The following ZFHX3 variants were observed in gnomAD, a reference collection of about 807,000 sequenced individuals.
ZFHX3 encodes zinc finger homeobox 3.
ZFHX3 carries 42 observed loss-of-function variants against 279.1 expected under a neutral mutation model. The observed-to-expected ratio is 0.15, with a 90% CI of 0.12 to 0.19. The LOEUF is 0.19. Ranked by LOEUF, ZFHX3 falls within the 10% of genes least tolerant of loss-of-function variation. ZFHX3 has a pLI of 1.00. For missense variants in ZFHX3, 4,981 were observed against 4,754.0 expected (o/e 1.05, Z -1.40); for synonymous variants, 2,293 against 1,957.8 (o/e 1.17, Z -4.52).
intron 3 of ZFHX3, among the ~76,000 whole-genome samples, chr16:73,407,894 C>A (rs2017392431): frequency 6.6e-6 from 1 of 152,138 alleles, no homozygotes; most frequent in South Asian, 2.1e-4. Context: ...TGGCAAAATG[C>A]TGGCTTTTAT....
chr16:73,685,421 G>C (rs995062786), intron 1 of ZFHX3, among the ~76,000 whole-genome samples: 9 of 152,224 alleles, frequency 5.9e-5, no homozygotes, highest in African/African-American at 2.2e-4. Flanking sequence ...GACTGAAGCA[G>C]GCCATGAGCC....
chr16:73,693,935 A>G (rs1317413597), intron 1 of ZFHX3, among the ~76,000 whole-genome samples: 3 of 152,190 alleles, frequency 2.0e-5, no homozygotes, highest in African/African-American at 7.2e-5. Flanking sequence ...CTCTGCTCTC[A>G]AGCCTGTCAG....
chr16:73,209,503 G>A (rs1455483668), intron 5 of ZFHX3, among the ~76,000 whole-genome samples: 1 of 152,132 alleles, frequency 6.6e-6, no homozygotes, highest in African/African-American at 2.4e-5. Context: ...TCACATGGTA[G>A]AAGAGCAAAA....
intron 2 of ZFHX3, among the ~76,000 whole-genome samples, chr16:73,615,639 T>C (rs1425954704): frequency 6.6e-6 from 1 of 152,200 alleles, no homozygotes; most frequent in Non-Finnish European, 1.5e-5. Context: ...AACACAGTGT[T>C]AAAATTCTAA....
At chr16:73,000,533 G>A (rs1430646547) in intron 1 of ZFHX3, among the ~76,000 whole-genome samples, 1 of 152,116 alleles carries the variant, frequency 6.6e-6, no homozygotes, top group South Asian at 2.1e-4. Flanking sequence ...CCTTGACTTC[G>A]TAAGTGGTGG....
intron 2 of ZFHX3, among the ~76,000 whole-genome samples, chr16:73,602,012 G>C (rs2052123662): frequency 6.6e-6 from 1 of 152,074 alleles, no homozygotes; most frequent in South Asian, 2.1e-4. Context: ...TATGCCTGTA[G>C]TCCCAACTAC....
At chr16:73,608,267 G>A (rs938031818) in intron 2 of ZFHX3, among the ~76,000 whole-genome samples, 8 of 152,274 alleles carry the variant, frequency 5.3e-5, no homozygotes, top group African/African-American at 1.9e-4. Context: ...CTTTCTTGAA[G>A]CTGGTCCCAT....
chr16:73,520,446 A>G (rs920441062), intron 2 of ZFHX3, among the ~76,000 whole-genome samples: 14 of 152,224 alleles, frequency 9.2e-5, no homozygotes, highest in Non-Finnish European at 1.5e-4. Context: ...CAGATGAGGA[A>G]TTTTTAGAAA....
At chr16:73,694,903 T>A (rs1267357569) in intron 1 of ZFHX3, among the ~76,000 whole-genome samples, 1 of 152,204 alleles carries the variant, frequency 6.6e-6, no homozygotes, top group Admixed American at 6.5e-5. Context: ...TTAAACCATT[T>A]ACCGACCAAT....
At chr16:73,597,010 A>AC (rs1430057160) in intron 2 of ZFHX3, among the ~76,000 whole-genome samples, 3 of 152,228 alleles carry the variant, frequency 2.0e-5, no homozygotes, top group African/African-American at 4.8e-5. Context: ...GATGGTGTCC[A>AC]CAGTCTGTTC....
intron 5 of ZFHX3, chr16:73,231,936 G>A (rs1200572494): frequency 6.6e-6 from 1 of 151,888 alleles, no homozygotes; most frequent in East Asian, 1.9e-4. Flanking sequence ...CTATCTTTTG[G>A]GCGACACGAT....
chr16:72,978,080 G>C (rs1317724208), intron 1 of ZFHX3, among the ~76,000 whole-genome samples: 2 of 152,086 alleles, frequency 1.3e-5, no homozygotes, highest in Non-Finnish European at 2.9e-5. Flanking sequence ...GGCCAGGATG[G>C]TCTCAAACTC....
At chr16:73,368,585 G>A (rs114788348) in intron 3 of ZFHX3, among the ~76,000 whole-genome samples, 105 of 152,328 alleles carry the variant, frequency 6.9e-4, no homozygotes, top group African/African-American at 2.4e-3. Flanking sequence ...GACATAAGAA[G>A]TGTCACTTGA....
chr16:72,857,963 G>C (rs942777397), intron 4 of ZFHX3, among the ~76,000 whole-genome samples: 1 of 152,218 alleles, frequency 6.6e-6, no homozygotes, highest in Non-Finnish European at 1.5e-5. Context: ...ACCGGAGTAA[G>C]AGAGCAAGGA....
intron 5 of ZFHX3, among the ~76,000 whole-genome samples, chr16:73,182,491 A>G (rs554134438): frequency 6.6e-6 from 1 of 152,242 alleles, no homozygotes; most frequent in South Asian, 2.1e-4. Flanking sequence ...GGAGATCTCA[A>G]ATAACTAAAA....
At chr16:72,904,284 T>C (rs1177708944) in intron 3 of ZFHX3, among the ~76,000 whole-genome samples, 1 of 151,794 alleles carries the variant, frequency 6.6e-6, no homozygotes, top group African/African-American at 2.4e-5. Flanking sequence ...GAGAATTTCT[T>C]GAACACAGGA....
Position 72,798,565 on chromosome 16 carries a change from T to C in ZFHX3, c.4117A>G (p.Thr1373Ala), listed in dbSNP as rs2035992995. The change falls in exon 9 of 10, where the codon ACT (threonine) becomes GCT (alanine). Residue 1373 changes from threonine (T) to alanine (A), a missense_variant. By Grantham distance (58) the Thr-to-Ala change is moderately conservative. This residue lies in a region of ZFHX3 where 1,751 missense variants were observed against 1,770.0 expected (regional missense o/e 0.99). Coordinates refer to ENST00000268489, the MANE Select transcript of ZFHX3 (RefSeq NM_006885.4). ...AAATGCGTCTGAAGGGCAGCAGAAG[T>C]TTTGAAAACCTGGTTGCACCCCTTC... ...WKKGCNQVFK[T>A]SAALQTHFNE... 1 of 1,613,988 alleles carries C rather than the reference T, an allele frequency of 6.2e-7. No individual in the cohort carries two copies. Among genetic ancestry groups the C allele is most frequent in the Non-Finnish European group, 8.5e-7 (1 of 1,180,030 alleles).
intron 4 of ZFHX3, among the ~76,000 whole-genome samples, chr16:72,877,731 A>G (rs1430907705): frequency 6.6e-6 from 1 of 152,220 alleles, no homozygotes; most frequent in Non-Finnish European, 1.5e-5. Flanking sequence ...AGCTATGTTG[A>G]TCCCAGACAA....
At chr16:73,450,222 A>C (rs377750255) in intron 3 of ZFHX3, among the ~76,000 whole-genome samples, 1 of 152,194 alleles carries the variant, frequency 6.6e-6, no homozygotes, top group East Asian at 1.9e-4. Context: ...AGTGTTTTTC[A>C]TTACAGTCTT....
Sources: gnomAD v4.1 joint callset for allele counts (sites outside exome capture counted in the v4.1 genomes callset) on GRCh38, gnomAD v4.1.1 for gene constraint, gnomAD v4.1.1 regional missense constraint, MANE v1.5 for transcripts, NCBI Gene and HGNC (gene_info 2026-07-23, HGNC 2026-07-21) for gene names.